The following SUGCT variants were observed in gnomAD, a reference collection of about 807,000 sequenced individuals.
SUGCT encodes succinyl-CoA:glutarate CoA-transferase.
A neutral mutation model predicts 55.0 loss-of-function variants in SUGCT; 41 were observed. The observed-to-expected ratio is 0.74, with a 90% CI of 0.58 to 0.97. The LOEUF (loss-of-function observed/expected upper bound fraction) is 0.97. Among genes scored for constraint, SUGCT ranks in the 50% least tolerant of loss-of-function variants. The probability of loss-of-function intolerance (pLI) is 0.00; values close to 1 mark genes in which losing one functional copy is unlikely to be tolerated. For missense variants in SUGCT, 568 were observed against 547.8 expected (o/e 1.04, Z -0.37); for synonymous variants, 187 against 200.4 (o/e 0.93, Z 0.56).
At chr7:40,545,975 T>C (rs1433260054) in intron 12 of SUGCT, among the ~76,000 whole-genome samples, 1 of 152,216 alleles carries the variant, frequency 6.6e-6, no homozygotes, top group Non-Finnish European at 1.5e-5. Context: ...CATGTGTATC[T>C]ATAAAATCAG....
intron 12 of SUGCT, among the ~76,000 whole-genome samples, chr7:40,713,292 G>A (rs1215537208): frequency 6.6e-6 from 1 of 152,184 alleles, no homozygotes; most frequent in East Asian, 1.9e-4. Context: ...CACTCAGAAA[G>A]TCCTCCTGCA....
intron 11 of SUGCT, among the ~76,000 whole-genome samples, chr7:40,486,494 T>A (rs970679881): frequency 1.3e-5 from 2 of 152,104 alleles, no homozygotes; most frequent in Admixed American, 6.6e-5. Flanking sequence ...TTTTAATATT[T>A]CCATTGATTT....
At chr7:40,764,810 C>T (rs903241371) in intron 13 of SUGCT, among the ~76,000 whole-genome samples, 4 of 152,142 alleles carry the variant, frequency 2.6e-5, no homozygotes, top group Non-Finnish European at 5.9e-5. Context: ...ACAAGGTGAG[C>T]TGTCAATTTC....
intron 12 of SUGCT, among the ~76,000 whole-genome samples, chr7:40,521,086 A>G (rs975284949): frequency 4.6e-5 from 7 of 152,102 alleles, no homozygotes; most frequent in African/African-American, 1.7e-4. Flanking sequence ...AGATATTGTC[A>G]GTGATATGGT....
chr7:40,655,065 C>T (rs999893026), intron 12 of SUGCT, among the ~76,000 whole-genome samples: 12 of 152,024 alleles, frequency 7.9e-5, no homozygotes, highest in Non-Finnish European at 1.6e-4. Flanking sequence ...GAGGCTGAGG[C>T]GGGGCATCAT....
At chr7:40,336,930 G>A (rs1477500862) in intron 9 of SUGCT, among the ~76,000 whole-genome samples, 2 of 152,198 alleles carry the variant, frequency 1.3e-5, no homozygotes, top group African/African-American at 4.8e-5. Context: ...ATGTGTCCCA[G>A]AGATTCTGGT....
the SUGCT span, among the ~76,000 whole-genome samples, chr7:40,871,318 T>C: frequency 2.6e-5 from 4 of 152,186 alleles, no homozygotes; most frequent in Non-Finnish European, 4.4e-5. Context: ...GCATGCTACA[T>C]GTCTGAACAT....
chr7:40,983,963 C>T, the SUGCT span, among the ~76,000 whole-genome samples: 5 of 152,098 alleles, frequency 3.3e-5, no homozygotes, highest in African/African-American at 7.2e-5. Flanking sequence ...AGGGTTGAAT[C>T]GCCTGTAGGA....
chr7:40,575,739 A>T (rs1221424412), intron 12 of SUGCT, among the ~76,000 whole-genome samples: 1 of 152,018 alleles, frequency 6.6e-6, no homozygotes, highest in Non-Finnish European at 1.5e-5. Context: ...TGAGGTCAGG[A>T]GTTCGAGACC....
At chr7:40,626,383 A>G (rs1799529142) in intron 12 of SUGCT, among the ~76,000 whole-genome samples, 1 of 150,390 alleles carries the variant, frequency 6.6e-6, no homozygotes, top group Non-Finnish European at 1.5e-5. Context: ...CAGCCTCCTG[A>G]GCAGCTGTGA....
chr7:40,380,063 G>A (rs1464582733), intron 9 of SUGCT, among the ~76,000 whole-genome samples: 1 of 152,194 alleles, frequency 6.6e-6, no homozygotes, highest in Non-Finnish European at 1.5e-5. Flanking sequence ...CCTGAGGCAG[G>A]TCAAATAAAG....
At chr7:40,914,851 A>G in the SUGCT span, among the ~76,000 whole-genome samples, 49 of 152,312 alleles carry the variant, frequency 3.2e-4, no homozygotes, top group African/African-American at 1.1e-3. Flanking sequence ...GAATTAGACA[A>G]ACTGATGTTG....
intron 12 of SUGCT, among the ~76,000 whole-genome samples, chr7:40,544,722 T>C (rs547129770): frequency 7.9e-4 from 121 of 152,276 alleles, no homozygotes; most frequent in African/African-American, 2.7e-3. Flanking sequence ...CATACTGACA[T>C]TGGTAGTAGC....
intron 12 of SUGCT, among the ~76,000 whole-genome samples, chr7:40,736,319 A>G (rs1308973364): frequency 1.4e-5 from 2 of 147,416 alleles, no homozygotes; most frequent in Non-Finnish European, 3.0e-5. Context: ...ATCTTATAAT[A>G]CATTATATAT....
chr7:40,733,834 G>A (rs865896802), intron 12 of SUGCT, among the ~76,000 whole-genome samples: 24 of 152,178 alleles, frequency 1.6e-4, no homozygotes, highest in African/African-American at 4.6e-4. Context: ...TATGTGCCAC[G>A]ACATCGTTTC....
chr7:40,878,572 C>G, the SUGCT span, among the ~76,000 whole-genome samples: 1 of 152,166 alleles, frequency 6.6e-6, no homozygotes, highest in South Asian at 2.1e-4. Flanking sequence ...TTTCCTTAGA[C>G]AGGTTTTGCC....
intron 13 of SUGCT, among the ~76,000 whole-genome samples, chr7:40,770,060 T>G (rs1396474228): frequency 6.6e-6 from 1 of 152,216 alleles, no homozygotes; most frequent in African/African-American, 2.4e-5. Flanking sequence ...GCTAGCCCCT[T>G]CATGATTAAG....
intron 9 of SUGCT, among the ~76,000 whole-genome samples, chr7:40,377,142 C>CT (rs1562728221): frequency 7.5e-5 from 1 of 13,392 alleles, no homozygotes; most frequent in Non-Finnish European, 3.3e-4. Flanking sequence ...TTCTTTCTTT[C>CT]TTTCTTTCTT....
chr7:40,231,126 C>A (rs1425441251), intron 6 of SUGCT, among the ~76,000 whole-genome samples: 2 of 152,122 alleles, frequency 1.3e-5, no homozygotes, highest in Non-Finnish European at 2.9e-5. Flanking sequence ...GGAATGCCAA[C>A]AGTTGAACCT....
Sources: gnomAD v4.1 joint callset for allele counts (sites outside exome capture counted in the v4.1 genomes callset) on GRCh38, gnomAD v4.1.1 for gene constraint, MANE v1.5 for transcripts, NCBI Gene and HGNC (gene_info 2026-07-23, HGNC 2026-07-21) for gene names.